Variants in PACRG observed in about 807,000 individuals in gnomAD.
PACRG encodes the protein parkin coregulated.
Under a neutral mutation model 29.7 loss-of-function variants are expected in PACRG, and 29 were observed. That is an observed-to-expected ratio of 0.98 (90% CI 0.73 to 1.33). The LOEUF (loss-of-function observed/expected upper bound fraction) is 1.33. PACRG is among the 40% of genes most tolerant of loss of function. PACRG has a pLI of 0.00. For missense variants in PACRG, 279 were observed against 316.2 expected (o/e 0.88, Z 0.89); for synonymous variants, 116 against 118.7 (o/e 0.98, Z 0.15).
At chr6:162,789,056 T>C (rs1013114580) in intron 1 of PACRG, among the ~76,000 whole-genome samples, 7 of 152,174 alleles carry the variant, frequency 4.6e-5, no homozygotes, top group Admixed American at 3.9e-4. Context: ...AGGGAGTGCA[T>C]GCTCTAGATT....
At chr6:163,194,521 C>G (rs1166496265) in intron 4 of PACRG, among the ~76,000 whole-genome samples, 1 of 152,172 alleles carries the variant, frequency 6.6e-6, no homozygotes, top group Non-Finnish European at 1.5e-5. Flanking sequence ...GCACAAGCCA[C>G]AGGCCACCTG....
At position 162,787,592 on chromosome 6, in the gene PACRG, A is replaced by C. The variant is rs867812251; in HGVS notation, c.157-26555A>C. ...TGTGTGTGTGTGTGTGTATATATAT[A>C]TATATATATATATATATATATATAT... On this transcript the variant is annotated intron_variant, in intron 1 of 4. Coordinates refer to ENST00000366888, the MANE Select transcript of PACRG (RefSeq NM_001080379.2). Among the ~76,000 whole-genome samples, 83 of 130,862 alleles carry C rather than the reference A, an allele frequency of 6.3e-4. 2 individuals carry two copies. The highest frequency in any genetic ancestry group is 8.4e-4 in the Non-Finnish European group (52 of 61,926). 85.9% of individuals were successfully genotyped at this position (130,862 alleles called of 152,430 possible).
At chr6:163,270,177 T>G (rs1534938) in intron 4 of PACRG, among the ~76,000 whole-genome samples, 99,522 of 151,830 alleles carry the variant, frequency 0.66, 32,632 homozygotes, top group Middle Eastern at 0.7. Context: ...ATTTTAAAGT[T>G]TTTAATATTT....
chr6:162,781,941 G>A (rs1784124742), intron 1 of PACRG, among the ~76,000 whole-genome samples: 1 of 151,576 alleles, frequency 6.6e-6, no homozygotes, highest in South Asian at 2.1e-4. Flanking sequence ...AAATGTAAAT[G>A]GTTTAAAAAC....
chr6:162,845,074 G>A (rs1790237745), intron 2 of PACRG, among the ~76,000 whole-genome samples: 1 of 152,116 alleles, frequency 6.6e-6, no homozygotes. Flanking sequence ...GGTAAACTAT[G>A]TGAAAAGTTT....
chr6:163,235,418 A>G (rs1782197899), intron 4 of PACRG, among the ~76,000 whole-genome samples: 1 of 152,152 alleles, frequency 6.6e-6, no homozygotes, highest in Admixed American at 6.5e-5. Flanking sequence ...CTAAAATGTC[A>G]CTTGACTGAG....
At chr6:163,269,889 GAAAACAA>G (rs367855787) in intron 4 of PACRG, among the ~76,000 whole-genome samples, 276 of 24,390 alleles carry the variant, frequency 0.011, 26 homozygotes, top group African/African-American at 0.042. Flanking sequence ...AAGAAAGAAA[GAAAACAA>G]AGAAAGAAAG....
chr6:162,896,940 G>A (rs1191047143), intron 2 of PACRG, among the ~76,000 whole-genome samples: 2 of 152,204 alleles, frequency 1.3e-5, no homozygotes, highest in African/African-American at 4.8e-5. Context: ...AATTAATGAA[G>A]AGAAGTGGTG....
At chr6:163,113,506 A>T (rs1815820932) in intron 4 of PACRG, among the ~76,000 whole-genome samples, 1 of 152,178 alleles carries the variant, frequency 6.6e-6, no homozygotes, top group Non-Finnish European at 1.5e-5. Context: ...GAGAAAAAGG[A>T]CTCATCACGT....
At chr6:162,954,481 G>T (rs1398612417) in intron 2 of PACRG, among the ~76,000 whole-genome samples, 15 of 149,734 alleles carry the variant, frequency 1.0e-4, no homozygotes, top group African/African-American at 3.4e-4. Flanking sequence ...ATTTAGAATT[G>T]GTTGCTCTAA....
intron 2 of PACRG, among the ~76,000 whole-genome samples, chr6:162,954,141 A>G (rs1013595236): frequency 1.3e-5 from 2 of 152,162 alleles, no homozygotes; most frequent in Non-Finnish European, 2.9e-5. Context: ...TTCTTATTGT[A>G]TGTTAGAGTA....
chr6:163,234,055 G>T (rs1782142754), intron 4 of PACRG, among the ~76,000 whole-genome samples: 1 of 152,176 alleles, frequency 6.6e-6, no homozygotes, highest in South Asian at 2.1e-4. Flanking sequence ...ATTAAAGGAA[G>T]AGTACTCTTG....
intron 3 of PACRG, among the ~76,000 whole-genome samples, chr6:163,083,046 G>A (rs188713177): frequency 1.7e-3 from 256 of 152,292 alleles, no homozygotes; most frequent in Admixed American, 2.7e-3. Flanking sequence ...CTATCAGGGC[G>A]TCTCCTCTTT....
chr6:162,889,911 ACTGCATG>A (rs1397815678), intron 2 of PACRG, among the ~76,000 whole-genome samples: 1 of 152,264 alleles, frequency 6.6e-6, no homozygotes, highest in African/African-American at 2.4e-5. Flanking sequence ...CCTGTAAGTT[ACTGCATG>A]CTGCAAAAGA....
intron 2 of PACRG, among the ~76,000 whole-genome samples, chr6:162,985,671 C>T (rs1802826596): frequency 6.6e-6 from 1 of 152,080 alleles, no homozygotes; most frequent in African/African-American, 2.4e-5. Flanking sequence ...ACTTTCACCA[C>T]TGCTATTCAA....
rs764515150 is a variant in PACRG, at chr6:163,314,852, C to T, written c.639C>T (p.Tyr213=). The stretch of plus-strand genomic sequence containing the variant: ...TGAACTCCGGAGACGGCATTGACTA[C>T]AGCCAGCAGAAGAGGGAGAACATTG... ...MNVNSGDGID[Y]SQQKRENIGD... The change falls in exon 5 of 5, where the codon TAC becomes TAT. Residue 213 remains tyrosine, a synonymous_variant. Coordinates refer to ENST00000366888, the MANE Select transcript of PACRG (RefSeq NM_001080379.2). 2 of 1,614,130 alleles carry T rather than the reference C, an allele frequency of 1.2e-6. No homozygotes were observed. The highest frequency in any genetic ancestry group is 2.2e-5 in the East Asian group (1 of 44,884).
At chr6:162,952,536 C>G (rs1039321723) in intron 2 of PACRG, among the ~76,000 whole-genome samples, 3 of 152,150 alleles carry the variant, frequency 2.0e-5, no homozygotes, top group African/African-American at 7.2e-5. Context: ...TGAGCTTGAT[C>G]GTATCTCTTC....
intron 4 of PACRG, among the ~76,000 whole-genome samples, chr6:163,301,958 C>A (rs548197403): frequency 6.6e-6 from 1 of 152,218 alleles, no homozygotes; most frequent in African/African-American, 2.4e-5. Context: ...CCTGTTGTTT[C>A]ATTTCCAAGC....
intron 1 of PACRG, among the ~76,000 whole-genome samples, chr6:162,755,847 C>G (rs1159891355): frequency 6.6e-6 from 1 of 152,166 alleles, no homozygotes; most frequent in Non-Finnish European, 1.5e-5. Flanking sequence ...GCATTTGTCT[C>G]AAACATTTGT....
Sources: allele counts gnomAD v4.1 joint callset (sites outside exome capture counted in the v4.1 genomes callset), GRCh38; gene constraint gnomAD v4.1.1; transcripts MANE v1.5; gene names NCBI Gene and HGNC (gene_info 2026-07-23, HGNC 2026-07-21).